GSG1L: variants seen among roughly 807,000 people sequenced by gnomAD.
The protein encoded by GSG1L is GSG1 like.
A neutral mutation model predicts 42.1 loss-of-function variants in GSG1L; 24 were observed. The observed-to-expected ratio is 0.57, with a 90% CI of 0.41 to 0.80. The LOEUF (loss-of-function observed/expected upper bound fraction) is 0.80. Ranked by LOEUF, GSG1L falls within the 30% of genes least tolerant of loss-of-function variation. The pLI is 0.00. For missense variants in GSG1L, 445 were observed against 472.2 expected, an observed-to-expected ratio of 0.94 and a Z score of 0.53; for synonymous variants, 215 against 203.5, an observed-to-expected ratio of 1.06 and a Z score of -0.48.
At chr16:27,947,207 GTC>G (rs1286787981) in intron 2 of GSG1L, among the ~76,000 whole-genome samples, 2 of 152,060 alleles carry the variant, frequency 1.3e-5, no homozygotes, top group Non-Finnish European at 2.9e-5. Context: ...GCTCACTGCA[GTC>G]TCGACCTCCC....
At chr16:27,979,740 A>AAAGAAAG in intron 1 of GSG1L, among the ~76,000 whole-genome samples, 1 of 74,216 alleles carries the variant, frequency 1.3e-5, no homozygotes, top group Non-Finnish European at 3.0e-5. Context: ...AGAAAAAGAA[A>AAAGAAAG]GAAAGAAAGG....
At chr16:27,832,624 G>T (rs28869331) in intron 4 of GSG1L, among the ~76,000 whole-genome samples, 5,333 of 152,220 alleles carry the variant, frequency 0.035, 318 homozygotes, top group African/African-American at 0.12. Context: ...ACCAGAATTT[G>T]GTGGTGTCAC....
chr16:28,005,234 C>G (rs867903127), intron 1 of GSG1L, among the ~76,000 whole-genome samples: 1 of 152,128 alleles, frequency 6.6e-6, no homozygotes, highest in African/African-American at 2.4e-5. Flanking sequence ...CTGCCTCAGC[C>G]TCCCAAGTAG....
intron 2 of GSG1L, among the ~76,000 whole-genome samples, chr16:27,890,834 T>C (rs191522782): frequency 6.6e-6 from 1 of 152,030 alleles, no homozygotes; most frequent in East Asian, 1.9e-4. Context: ...GTAGTTGGAG[T>C]CAACAGGATG....
intron 4 of GSG1L, among the ~76,000 whole-genome samples, chr16:27,844,749 T>C (rs1230762229): frequency 6.6e-6 from 1 of 152,176 alleles, no homozygotes; most frequent in Non-Finnish European, 1.5e-5. Context: ...AAACAGGTGG[T>C]GGGCCAGATT....
In GSG1L at chr16:27,791,458, G is replaced by A. The variant is rs1051197454; in HGVS notation, c.908C>T (p.Pro303Leu). ...RHERYPARHQ[P>L]HMADSWPRSS... The stretch of plus-strand genomic sequence containing the variant: ...CCGGGGCCAGGAATCCGCCATGTGT[G>A]GCTGGTGTCCTGCCAGGAGACAAGG... Residue 303 changes from proline to leucine, a missense_variant, in exon 7 of 7, where the codon CCA becomes CTA. Physicochemically the swap from Pro to Leu is moderately conservative, Grantham distance 98. Transcript: ENST00000447459. 6.7e-7 allele frequency: 1 copy of A among 1,490,982 alleles called. No individual in the cohort carries two copies. Among genetic ancestry groups the A allele is most frequent in the African/African-American group, 1.4e-5 (1 of 70,442 alleles). The allele number at this position is 1,490,982 out of a possible 1,614,324, so 92.4% of individuals were successfully genotyped here.
At chr16:27,879,658 T>A (rs11866517) in intron 3 of GSG1L, among the ~76,000 whole-genome samples, 3,332 of 152,224 alleles carry the variant, frequency 0.022, 102 homozygotes, top group African/African-American at 0.075. Context: ...AATGGCTTAA[T>A]ATTTGCATCT....
At chr16:27,994,376 T>C (rs1351198425) in intron 1 of GSG1L, among the ~76,000 whole-genome samples, 1 of 152,134 alleles carries the variant, frequency 6.6e-6, no homozygotes, top group East Asian at 1.9e-4. Context: ...TCCCTCTAAT[T>C]CCTTTCCAAC....
rs76821604 is a variant in GSG1L at position 27,858,028 on chromosome 16, C to T, written c.551-12967G>A. 7.3e-3 allele frequency among the ~76,000 whole-genome samples: 1,113 copies of T among 152,306 alleles called. 12 individuals are homozygous for T. The highest frequency in any genetic ancestry group is 0.025 in the African/African-American group (1,052 of 41,562). Reference sequence around the variant, plus strand: ...CTTTGCAAGCCACCTCAAGAACATTCCTCCCAGCACTACCTTCCATCCCTC... The same window carrying T: ...CTTTGCAAGCCACCTCAAGAACATTTCTCCCAGCACTACCTTCCATCCCTC... On this transcript the variant is annotated intron_variant, in intron 3 of 6. Transcript: ENST00000447459.
At chr16:27,851,829 C>G (rs1046480152) in intron 3 of GSG1L, among the ~76,000 whole-genome samples, 3 of 152,206 alleles carry the variant, frequency 2.0e-5, no homozygotes, top group Non-Finnish European at 4.4e-5. Context: ...CGAGATGCCA[C>G]GAATCATCTT....
intron 6 of GSG1L, 124 bp from the exon 7 acceptor site, chr16:27,791,591 G>T: frequency 5.6e-6 from 3 of 539,740 alleles, no homozygotes; most frequent in Non-Finnish European, 8.8e-6. Context: ...TGCCCATCAT[G>T]CCTTTTGTCT....
intron 2 of GSG1L, among the ~76,000 whole-genome samples, chr16:27,892,682 C>T (rs184603219): frequency 1.2e-4 from 18 of 150,866 alleles, no homozygotes; most frequent in Non-Finnish European, 1.6e-4. Context: ...CTCAGCTACT[C>T]GGGAGGCTGA....
chr16:27,997,575 G>A (rs71389827), intron 1 of GSG1L, among the ~76,000 whole-genome samples: 1 of 151,974 alleles, frequency 6.6e-6, no homozygotes, highest in Admixed American at 6.6e-5. Flanking sequence ...TCACATCTGA[G>A]AAAGTCCATT....
At chr16:27,800,410 C>G (rs2082868035) in intron 6 of GSG1L, among the ~76,000 whole-genome samples, 1 of 152,206 alleles carries the variant, frequency 6.6e-6, no homozygotes, top group Non-Finnish European at 1.5e-5. Flanking sequence ...CCCAGCCTTA[C>G]AGATACACCT....
intron 4 of GSG1L, among the ~76,000 whole-genome samples, chr16:27,839,933 C>A (rs1224308165): frequency 6.6e-6 from 1 of 152,216 alleles, no homozygotes; most frequent in Non-Finnish European, 1.5e-5. Flanking sequence ...AGGGGGATGG[C>A]AGCCCCTCTC....
chr16:27,803,443 T>C (rs2082906832), intron 6 of GSG1L, among the ~76,000 whole-genome samples: 2 of 152,140 alleles, frequency 1.3e-5, no homozygotes, highest in Non-Finnish European at 2.9e-5. Context: ...CGCTGTGCCT[T>C]TGACTGGTCG....
intron 1 of GSG1L, among the ~76,000 whole-genome samples, chr16:27,991,024 A>C (rs1281613067): frequency 6.6e-6 from 1 of 152,266 alleles, no homozygotes; most frequent in Non-Finnish European, 1.5e-5. Flanking sequence ...CCTTATGCAA[A>C]TAATCGGGCC....
In GSG1L at chr16:27,982,334, C is replaced by G. The variant is rs111446200; in HGVS notation, c.350-19131G>C. Among the ~76,000 whole-genome samples the G allele has an allele frequency of 2.3e-3, 344 of 152,340 alleles. 6 individuals carry two copies. Among genetic ancestry groups the G allele is most frequent in the South Asian group, 0.011 (52 of 4,820 alleles). On this transcript the variant is annotated intron_variant, in intron 1 of 6. Transcript: ENST00000447459. ...TGAGCTATGATTGTGCCATTGCACT[C>G]AGCCCAGCCAGGTACAATATTTCCC... is the stretch of plus-strand genomic sequence containing the variant.
In GSG1L at chr16:28,031,696, TGA is replaced by T. The variant is rs2085965881; in HGVS notation, c.349+31378_349+31379del. Reference sequence around the variant, plus strand: ...AGTTCTCAGATTCTCTGTGGCAAGCTGAGAGACAGGCTCAGTTCTGACCCCAG... The same window carrying T: ...AGTTCTCAGATTCTCTGTGGCAAGCTGAGACAGGCTCAGTTCTGACCCCAG... On this transcript the variant is annotated intron_variant, in intron 1 of 6. Transcript: ENST00000447459. 2.0e-5 allele frequency among the ~76,000 whole-genome samples: 3 copies of T among 152,300 alleles called. No individual in the cohort carries two copies. In the South Asian group the frequency reaches 6.2e-4, roughly 32 times the overall value.
Sources: gnomAD v4.1 joint callset for allele counts (sites outside exome capture counted in the v4.1 genomes callset) on GRCh38, gnomAD v4.1.1 for gene constraint, MANE v1.5 for transcripts, NCBI Gene and HGNC (gene_info 2026-07-23, HGNC 2026-07-21) for gene names.